Variants in ARHGAP40 observed in about 807,000 individuals in gnomAD.
ARHGAP40 encodes rho GTPase-activating protein 40.
A neutral mutation model predicts 73.5 loss-of-function variants in ARHGAP40; 43 were observed. The observed-to-expected ratio is 0.58, with a 90% confidence interval of 0.46 to 0.75. ARHGAP40 has a LOEUF of 0.75. Among genes scored for constraint, ARHGAP40 ranks in the 30% least tolerant of loss-of-function variants. ARHGAP40 has a pLI of 0.00. For synonymous variants in ARHGAP40, 300 were observed against 352.8 expected, an observed-to-expected ratio of 0.85 and a Z score of 1.68; for missense variants, 734 against 861.8, an observed-to-expected ratio of 0.85 and a Z score of 1.86.
intron 1 of ARHGAP40, among the ~76,000 whole-genome samples, chr20:38,606,735 C>T (rs917954270): frequency 7.2e-5 from 11 of 152,204 alleles, no homozygotes; most frequent in Non-Finnish European, 1.2e-4. Context: ...AATCAATCAC[C>T]TTTACAAGGT....
At chr20:38,641,482 C>T (rs1005555282) in intron 9 of ARHGAP40, among the ~76,000 whole-genome samples, 2 of 152,212 alleles carry the variant, frequency 1.3e-5, no homozygotes, top group African/African-American at 4.8e-5. Flanking sequence ...CATGTGCTTG[C>T]CTGCACATGC....
In ARHGAP40 at chr20:38,628,921, G is replaced by A. The variant is rs113856214; in HGVS notation, c.559-6G>A. The A allele has an allele frequency of 1.8e-3, 2,379 of 1,304,046 alleles. 31 individuals are homozygous for A. The African/African-American group carries it at 0.032, about 18-fold the overall frequency. 80.8% of individuals were successfully genotyped at this position (1,304,046 alleles called of 1,614,324 possible). A position where few individuals can be genotyped will look rare whatever the true frequency, so the allele number is the denominator to read the frequency against. ...AGTAATTGGGCACTGTCTGTAATTT[G>A]CATAGAAAATGTCGTCAGAGAATGG... On this transcript the variant is annotated splice_polypyrimidine_tract_variant and splice_region_variant and intron_variant, in intron 3 of 14. Transcript: ENST00000373345.
At position 38,646,296 on chromosome 20, in the gene ARHGAP40, C is replaced by T. The variant is rs951950588; in HGVS notation, c.1710+109C>T. 2.6e-6 allele frequency: 3 copies of T among 1,155,858 alleles called. No individual in the cohort carries two copies. Among genetic ancestry groups the T allele is most frequent in the South Asian group, 1.6e-5 (1 of 62,274 alleles). 71.6% of individuals were successfully genotyped at this position (1,155,858 alleles called of 1,614,324 possible). A position where few individuals can be genotyped will look rare whatever the true frequency, so the allele number is the denominator to read the frequency against. On this transcript the variant is annotated intron_variant, in intron 12 of 14. Coordinates refer to ENST00000373345, the Ensembl canonical transcript of ARHGAP40. The surrounding 1 kb of genome is among the most constrained non-coding windows in gnomAD (Gnocchi z 4.5). ...GTCCCCGCTACCGGGCTGCCAGCAA[C>T]GGCCCAGTGAGGCCACCAGGGGGCG...
chr20:38,637,896 T>C, intron 7 of ARHGAP40, 97 bp downstream of exon 7: 1 of 1,008,508 alleles, frequency 9.9e-7, no homozygotes, highest in South Asian at 1.5e-5. Context: ...GGTGAAAGGA[T>C]GTGCTTTAGA....
chr20:38,603,868 C>T (rs2088755244), intron 1 of ARHGAP40, among the ~76,000 whole-genome samples: 1 of 152,206 alleles, frequency 6.6e-6, no homozygotes, highest in Non-Finnish European at 1.5e-5. Flanking sequence ...CTCTCTGACT[C>T]TGACCTCCAC....
intron 1 of ARHGAP40, chr20:38,615,286 C>A: frequency 1.3e-6 from 1 of 771,930 alleles, no homozygotes; most frequent in South Asian, 1.4e-5. Context: ...TCATCCACTC[C>A]GGAGGGAGCA....
intron 5 of ARHGAP40, among the ~76,000 whole-genome samples, chr20:38,634,144 G>A (rs1165802940): frequency 6.6e-6 from 1 of 152,106 alleles, no homozygotes; most frequent in African/African-American, 2.4e-5. Context: ...TTGAGCCCAG[G>A]TGTCTGAGAC....
intron 14 of ARHGAP40, among the ~76,000 whole-genome samples, 179 bp from the exon 15 acceptor site, chr20:38,649,578 T>G (rs2089075692): frequency 6.6e-6 from 1 of 152,212 alleles, no homozygotes; most frequent in Non-Finnish European, 1.5e-5. Flanking sequence ...GTCACTTTTC[T>G]GGCAAGGCAT....
intron 3 of ARHGAP40, among the ~76,000 whole-genome samples, chr20:38,628,583 C>T (rs1192587354): frequency 1.3e-5 from 2 of 152,196 alleles, no homozygotes; most frequent in Non-Finnish European, 2.9e-5. Context: ...GGATTACAGG[C>T]GTGAGCCACC....
intron 1 of ARHGAP40, chr20:38,614,796 G>T: frequency 1.5e-6 from 1 of 673,382 alleles, no homozygotes. Context: ...TCCATTCCTT[G>T]CACCATCGCA....
intron 2 of ARHGAP40, among the ~76,000 whole-genome samples, 154 bp from the exon 3 acceptor site, chr20:38,626,841 C>G (rs546824616): frequency 2.0e-5 from 3 of 152,168 alleles, no homozygotes; most frequent in Admixed American, 2.0e-4. Flanking sequence ...TCTTCTCCCC[C>G]GGAGAGTCTG....
At chr20:38,636,919 C>G (rs1321840344) in intron 6 of ARHGAP40, among the ~76,000 whole-genome samples, 3 of 152,100 alleles carry the variant, frequency 2.0e-5, no homozygotes, top group South Asian at 2.1e-4. Context: ...AGGAATCTAG[C>G]AGAGGTGGGG....
intron 2 of ARHGAP40, among the ~76,000 whole-genome samples, chr20:38,626,295 A>C (rs1433514832): frequency 6.6e-6 from 1 of 152,188 alleles, no homozygotes; most frequent in Non-Finnish European, 1.5e-5. Flanking sequence ...TTCCAGTAAG[A>C]GCTCTTGTCC....
chr20:38,629,627 G>A, exon 5 of ARHGAP40: 1 of 1,305,406 alleles, frequency 7.7e-7, no homozygotes, highest in Non-Finnish European at 1.0e-6. Flanking sequence ...AGGCACCTCT[G>A]CCTGGGGCAA....
At chr20:38,634,285 G>A (rs1390798538) in intron 5 of ARHGAP40, among the ~76,000 whole-genome samples, 3 of 152,182 alleles carry the variant, frequency 2.0e-5, no homozygotes, top group Non-Finnish European at 2.9e-5. Context: ...CCAGGAGGTC[G>A]GGGCTGCAGT....
intron 9 of ARHGAP40, among the ~76,000 whole-genome samples, chr20:38,639,607 G>A (rs1285723567): frequency 6.6e-6 from 1 of 152,266 alleles, no homozygotes; most frequent in Non-Finnish European, 1.5e-5. Context: ...TGGCATGTGT[G>A]CAGGTGTGTG....
chr20:38,639,587 G>A (rs1042401687), intron 9 of ARHGAP40, among the ~76,000 whole-genome samples: 5 of 152,252 alleles, frequency 3.3e-5, no homozygotes, highest in Admixed American at 6.5e-5. Flanking sequence ...CGTGTCCTGC[G>A]TGTGTTGTAT....
At chr20:38,603,877 A>G (rs115125897) in intron 1 of ARHGAP40, among the ~76,000 whole-genome samples, 2,454 of 152,238 alleles carry the variant, frequency 0.016, 71 homozygotes, top group African/African-American at 0.055. Context: ...TCTGACCTCC[A>G]CAGTCATCCC....
intron 1 of ARHGAP40, among the ~76,000 whole-genome samples, chr20:38,622,596 G>A (rs1568606462): frequency 6.6e-6 from 1 of 152,166 alleles, no homozygotes; most frequent in Non-Finnish European, 1.5e-5. Context: ...GGAAGGATGT[G>A]GGAGTCAGGG....
Sources: allele counts gnomAD v4.1 joint callset (sites outside exome capture counted in the v4.1 genomes callset), GRCh38; gene constraint gnomAD v4.1.1; non-coding constraint Gnocchi (gnomAD v3.1); transcripts MANE v1.5; gene names NCBI Gene and HGNC (gene_info 2026-07-23, HGNC 2026-07-21).